Variants in TAFA1 observed in about 807,000 individuals in gnomAD.
TAFA1 encodes the protein TAFA chemokine like family member 1, also known as chemokine-like protein TAFA-1.
In TAFA1, 4 loss-of-function variants were observed where a neutral mutation model predicts 18.5. That is an observed-to-expected ratio of 0.22 (90% CI 0.11 to 0.49). The LOEUF is 0.49. Among genes scored for constraint, TAFA1 ranks in the 20% least tolerant of loss-of-function variants. TAFA1 has a pLI of 0.98. For synonymous variants in TAFA1, 56 were observed against 55.2 expected (o/e 1.01, Z -0.06); for missense variants, 147 against 169.0 (o/e 0.87, Z 0.72).
intron 2 of TAFA1, among the ~76,000 whole-genome samples, chr3:68,412,957 C>A (rs558986366): frequency 6.6e-6 from 1 of 151,848 alleles, no homozygotes; most frequent in South Asian, 2.1e-4. Context: ...GCCACACTGA[C>A]TTCCACAATG....
At chr3:68,380,318 T>C (rs2069915397) in intron 2 of TAFA1, among the ~76,000 whole-genome samples, 1 of 152,180 alleles carries the variant, frequency 6.6e-6, no homozygotes, top group African/African-American at 2.4e-5. Flanking sequence ...GCATTTCTAG[T>C]TCTAGATCCC....
chr3:68,405,430 A>G (rs151186502), intron 2 of TAFA1, among the ~76,000 whole-genome samples: 39 of 150,508 alleles, frequency 2.6e-4, no homozygotes, highest in South Asian at 1.9e-3. Context: ...GGAGGATCAC[A>G]TGAGAATGGG....
intron 2 of TAFA1, among the ~76,000 whole-genome samples, chr3:68,035,429 A>T (rs982694281): frequency 1.2e-4 from 19 of 152,326 alleles, no homozygotes; most frequent in South Asian, 6.2e-4. Context: ...TATCATTAAT[A>T]CTAACTTATT....
intron 2 of TAFA1, among the ~76,000 whole-genome samples, chr3:68,191,537 A>G (rs2066339996): frequency 6.6e-6 from 1 of 151,836 alleles, no homozygotes; most frequent in Non-Finnish European, 1.5e-5. Flanking sequence ...TGGCTTTAGT[A>G]CATACCTGTA....
At chr3:68,208,525 A>C (rs1364292712) in intron 2 of TAFA1, among the ~76,000 whole-genome samples, 1 of 151,970 alleles carries the variant, frequency 6.6e-6, no homozygotes, top group African/African-American at 2.4e-5. Context: ...AAGGCTACTC[A>C]ATCTGGCTTC....
intron 2 of TAFA1, among the ~76,000 whole-genome samples, chr3:68,029,734 C>G (rs1367697591): frequency 1.3e-5 from 2 of 152,108 alleles, no homozygotes; most frequent in Non-Finnish European, 2.9e-5. Flanking sequence ...CTTTAAGTAC[C>G]ATTAAGTTTG....
chr3:68,394,322 A>T (rs1035568327), intron 2 of TAFA1, among the ~76,000 whole-genome samples: 1 of 152,172 alleles, frequency 6.6e-6, no homozygotes, highest in African/African-American at 2.4e-5. Context: ...AAATGGAAAA[A>T]CATTCCATGC....
In TAFA1 at chr3:68,437,727, A is replaced by G. The variant is rs1444759225; in HGVS notation, c.259+20307A>G. Among the ~76,000 whole-genome samples the G allele has an allele frequency of 2.0e-5, 3 of 152,144 alleles. No homozygotes were observed. In the South Asian group the frequency reaches 6.2e-4, roughly 32 times the overall value. ...TTACCCCTTAAAGGCCCCACCTGTCAATATTGCCACACTGGGGATTAAGTT... is the reference window on the plus strand; with the variant it reads ...TTACCCCTTAAAGGCCCCACCTGTCGATATTGCCACACTGGGGATTAAGTT... On this transcript the variant is annotated intron_variant, in intron 3 of 4. Transcript: ENST00000478136.
intron 2 of TAFA1, among the ~76,000 whole-genome samples, chr3:68,028,287 G>A (rs774460565): frequency 9.2e-5 from 14 of 151,872 alleles, no homozygotes; most frequent in Admixed American, 7.9e-4. Flanking sequence ...GTGACAGAGC[G>A]AGACTCTGTC....
chr3:68,294,015 G>C (rs1367605205), intron 2 of TAFA1, among the ~76,000 whole-genome samples: 1 of 152,112 alleles, frequency 6.6e-6, no homozygotes, highest in Non-Finnish European at 1.5e-5. Context: ...TGCACTCAGA[G>C]GAACATTACT....
At chr3:68,377,464 C>A (rs529551110) in intron 2 of TAFA1, among the ~76,000 whole-genome samples, 105 of 152,268 alleles carry the variant, frequency 6.9e-4, no homozygotes, top group African/African-American at 2.4e-3. Flanking sequence ...ATCTGTGGCA[C>A]TTTTAACTTG....
intron 2 of TAFA1, among the ~76,000 whole-genome samples, chr3:68,325,707 A>G (rs1275433578): frequency 6.6e-6 from 1 of 152,212 alleles, no homozygotes; most frequent in Non-Finnish European, 1.5e-5. Context: ...GCTTTGAGGT[A>G]AATCAGTTAA....
chr3:68,257,498 A>G (rs961016832), intron 2 of TAFA1, among the ~76,000 whole-genome samples: 1 of 151,868 alleles, frequency 6.6e-6, no homozygotes, highest in East Asian at 1.9e-4. Flanking sequence ...TGCTTAATTA[A>G]TAGTTGTTGA....
rs1177188392 is a variant in TAFA1, at chr3:68,017,514, G to C, written c.118+10770G>C. Among the ~76,000 whole-genome samples, 4 of 152,224 alleles carry C rather than the reference G, an allele frequency of 2.6e-5. No individual in the cohort carries two copies. The East Asian group carries it at 7.7e-4, about 29-fold the overall frequency. ...ACTCCCTGTCAAATGATTGACACTG[G>C]CATGCAAGTTGAGAGTCATTGACCA... On this transcript the variant is annotated intron_variant, in intron 2 of 4. Coordinates refer to ENST00000478136, the MANE Select transcript of TAFA1 (RefSeq NM_213609.4).
intron 2 of TAFA1, among the ~76,000 whole-genome samples, chr3:68,053,632 C>A (rs1043891897): frequency 6.6e-6 from 1 of 152,048 alleles, no homozygotes; most frequent in Non-Finnish European, 1.5e-5. Context: ...ACTCAAACGG[C>A]AAATTAAGCT....
chr3:68,221,478 G>A (rs2066729496), intron 2 of TAFA1, among the ~76,000 whole-genome samples: 1 of 152,080 alleles, frequency 6.6e-6, no homozygotes, highest in African/African-American at 2.4e-5. Context: ...TGGCTTGTAA[G>A]GTGCCTGTTT....
At chr3:68,052,715 A>G (rs1368157100) in intron 2 of TAFA1, among the ~76,000 whole-genome samples, 1 of 152,202 alleles carries the variant, frequency 6.6e-6, no homozygotes, top group Non-Finnish European at 1.5e-5. Context: ...GCCTGGCACG[A>G]TATTGAATAA....
chr3:68,133,721 T>C (rs1017632624), intron 2 of TAFA1, among the ~76,000 whole-genome samples: 2 of 152,036 alleles, frequency 1.3e-5, no homozygotes, highest in Admixed American at 1.3e-4. Context: ...TGATTTTGTA[T>C]CCAAACCCCA....
chr3:68,499,464 T>TTTTG (rs891552080), intron 3 of TAFA1, among the ~76,000 whole-genome samples: 1 of 144,560 alleles, frequency 6.9e-6, no homozygotes, highest in African/African-American at 2.5e-5. Context: ...TTTTTTTTTT[T>TTTTG]GAGAAGACAT....
Sources: gnomAD v4.1 joint callset for allele counts (sites outside exome capture counted in the v4.1 genomes callset) on GRCh38, gnomAD v4.1.1 for gene constraint, MANE v1.5 for transcripts, NCBI Gene and HGNC (gene_info 2026-07-23, HGNC 2026-07-21) for gene names.